Variants in PALM2AKAP2 observed in about 807,000 individuals in gnomAD.
The protein encoded by PALM2AKAP2 is PALM2-AKAP2 fusion protein.
A neutral mutation model predicts 71.5 loss-of-function variants in PALM2AKAP2; 37 were observed. The ratio of observed to expected loss-of-function variants is 0.52; its 90% CI spans 0.40 to 0.68. The LOEUF (loss-of-function observed/expected upper bound fraction) is 0.68, where lower values mean the gene tolerates loss of function less well. PALM2AKAP2 is among the 30% of genes least tolerant of loss of function. PALM2AKAP2 has a pLI of 0.00. For synonymous variants in PALM2AKAP2, 468 were observed against 478.8 expected (o/e 0.98, Z 0.29); for missense variants, 1,224 against 1,191.8 (o/e 1.03, Z -0.40).
chr9:109,708,940 T>A (rs1346524868), intron 1 of PALM2AKAP2, among the ~76,000 whole-genome samples: 1 of 152,118 alleles, frequency 6.6e-6, no homozygotes, highest in East Asian at 1.9e-4. Flanking sequence ...TGCAGGAGAA[T>A]TCAGAGGACT....
chr9:109,747,297 A>T (rs117493433), intron 1 of PALM2AKAP2, among the ~76,000 whole-genome samples: 1,966 of 152,292 alleles, frequency 0.013, 22 homozygotes, highest in Non-Finnish European at 0.02. Context: ...TTTTCAGTTA[A>T]AAAGTCACTG....
intron 1 of PALM2AKAP2, among the ~76,000 whole-genome samples, chr9:110,088,703 G>GTTTTTTTTTT (rs71373964): frequency 1.7e-4 from 13 of 75,634 alleles, no homozygotes; most frequent in East Asian, 6.7e-4. Context: ...GCATTTACGT[G>GTTTTTTTTTT]TTTTTTTTTT....
chr9:109,741,762 AAGATCC>A (rs1695392225), intron 1 of PALM2AKAP2, among the ~76,000 whole-genome samples: 1 of 152,350 alleles, frequency 6.6e-6, no homozygotes, highest in Admixed American at 6.5e-5. Flanking sequence ...TTTTAGCTCT[AAGATCC>A]ATCTTAAATT....
intron 6 of PALM2AKAP2, among the ~76,000 whole-genome samples, chr9:109,954,000 A>T (rs7039513): frequency 0.012 from 1,892 of 151,780 alleles, 39 homozygotes; most frequent in African/African-American, 0.043. Flanking sequence ...TAATTATACC[A>T]CCCCCTGGAG....
intron 1 of PALM2AKAP2, among the ~76,000 whole-genome samples, chr9:109,767,604 G>A (rs1829174581): frequency 6.6e-6 from 1 of 152,118 alleles, no homozygotes; most frequent in Non-Finnish European, 1.5e-5. Context: ...GATCTGGTGG[G>A]GCCACCCTCT....
intron 7 of PALM2AKAP2, among the ~76,000 whole-genome samples, chr9:110,038,485 C>T (rs1358199542): frequency 1.3e-5 from 2 of 151,942 alleles, no homozygotes; most frequent in South Asian, 2.1e-4. Flanking sequence ...AAGATCAGGT[C>T]GGGTGAGTTT....
At chr9:110,117,861 C>CTA (rs750243202) in intron 1 of PALM2AKAP2, among the ~76,000 whole-genome samples, 51 of 99,132 alleles carry the variant, frequency 5.1e-4, no homozygotes, top group East Asian at 1.4e-3. Flanking sequence ...CACAGATAAG[C>CTA]TATATATATA....
intron 1 of PALM2AKAP2, among the ~76,000 whole-genome samples, chr9:109,667,800 T>C (rs1264776517): frequency 2.0e-5 from 3 of 151,884 alleles, no homozygotes; most frequent in Non-Finnish European, 4.4e-5. Flanking sequence ...CTCACACAAA[T>C]AGCAACAACA....
In PALM2AKAP2 at chr9:110,156,414, C is replaced by T. The variant is rs146625471; in HGVS notation, c.2665C>T (p.Arg889Trp). 57 of 1,612,872 alleles carry T rather than the reference C, an allele frequency of 3.5e-5. No individual in the cohort carries two copies. Among genetic ancestry groups the T allele is most frequent in the Non-Finnish European group, 4.7e-5 (55 of 1,179,504 alleles). ...CCCTGAAGAGGCTGCCGGAACCCAG[C>T]GGCCCAAGAATCTGATGCAGACCCT... Residue 889 changes from arginine (R) to tryptophan (W), a missense_variant, in exon 3 of 4, where the codon CGG becomes TGG. Arg to Trp is a moderately radical substitution (Grantham distance 101, BLOSUM62 -3). Coordinates refer to ENST00000374525, the Ensembl canonical transcript of PALM2AKAP2.
At chr9:110,035,237 AATATATAATTAT>A (rs1833361026) in intron 7 of PALM2AKAP2, among the ~76,000 whole-genome samples, 1 of 140,132 alleles carries the variant, frequency 7.1e-6, no homozygotes, top group South Asian at 2.1e-4. Context: ...TATATAATAT[AATATATAATTAT>A]ATTATATACA....
exon 4 of PALM2AKAP2, chr9:110,171,082 T>G (rs1344884766): frequency 6.6e-6 from 1 of 152,262 alleles, no homozygotes; most frequent in Non-Finnish European, 1.5e-5. Flanking sequence ...GAAACCATCC[T>G]TATGACTTAC....
chr9:110,130,103 G>A (rs921914980), intron 1 of PALM2AKAP2, among the ~76,000 whole-genome samples: 1 of 152,096 alleles, frequency 6.6e-6, no homozygotes, highest in African/African-American at 2.4e-5. Flanking sequence ...AAATCAGTCT[G>A]CTGCCAGAAA....
At chr9:109,891,615 T>C (rs983566071) in intron 3 of PALM2AKAP2, among the ~76,000 whole-genome samples, 2 of 152,088 alleles carry the variant, frequency 1.3e-5, no homozygotes, top group African/African-American at 4.8e-5. Flanking sequence ...CTCAGCCTCC[T>C]GAATAATTGG....
intron 6 of PALM2AKAP2, among the ~76,000 whole-genome samples, chr9:109,992,670 A>G (rs943612217): frequency 1.3e-5 from 2 of 152,132 alleles, no homozygotes; most frequent in African/African-American, 4.8e-5. Flanking sequence ...TTATCCCTGG[A>G]AGTGTGCAAA....
chr9:109,705,754 C>G (rs975786476), intron 1 of PALM2AKAP2, among the ~76,000 whole-genome samples: 2 of 152,276 alleles, frequency 1.3e-5, no homozygotes, highest in Non-Finnish European at 2.9e-5. Context: ...TTGAATCCAG[C>G]CTCTGCCACT....
chr9:109,986,353 A>G (rs1832379101), intron 6 of PALM2AKAP2, among the ~76,000 whole-genome samples: 1 of 152,234 alleles, frequency 6.6e-6, no homozygotes, highest in Non-Finnish European at 1.5e-5. Context: ...TGTCAATACT[A>G]TGAGTAACAA....
intron 3 of PALM2AKAP2, among the ~76,000 whole-genome samples, chr9:109,919,042 G>C (rs1343682582): frequency 1.3e-5 from 2 of 152,224 alleles, no homozygotes; most frequent in Non-Finnish European, 2.9e-5. Flanking sequence ...TCAGGTCGCA[G>C]AGAATTCTTA....
chr9:109,965,326 A>C (rs1437318511), intron 6 of PALM2AKAP2, among the ~76,000 whole-genome samples: 1 of 152,244 alleles, frequency 6.6e-6, no homozygotes, highest in East Asian at 1.9e-4. Flanking sequence ...CAAAAGACGG[A>C]AAAAACCCCA....
intron 3 of PALM2AKAP2, among the ~76,000 whole-genome samples, chr9:110,161,216 C>T (rs549250036): frequency 2.0e-5 from 3 of 152,290 alleles, no homozygotes; most frequent in South Asian, 2.1e-4. Flanking sequence ...CTAAGTGCTA[C>T]ATATAAGAAG....
Sources: allele counts gnomAD v4.1 joint callset (sites outside exome capture counted in the v4.1 genomes callset), GRCh38; gene constraint gnomAD v4.1.1; transcripts MANE v1.5; gene names NCBI Gene and HGNC (gene_info 2026-07-23, HGNC 2026-07-21).